Variants in ABCB7 observed in about 807,000 individuals in gnomAD.
The protein encoded by ABCB7 is ATP binding cassette subfamily B member 7, also known as iron-sulfur clusters transporter ABCB7, mitochondrial.
A neutral mutation model predicts 54.4 loss-of-function variants in ABCB7; 7 were observed. That is an observed-to-expected ratio of 0.13 (90% CI 0.07 to 0.24). ABCB7 has a LOEUF of 0.24. Among genes scored for constraint, ABCB7 ranks in the 10% least tolerant of loss-of-function variants. The pLI is 1.00. For synonymous variants in ABCB7, 218 were observed against 207.1 expected (o/e 1.05, Z -0.45); for missense variants, 356 against 570.4 (o/e 0.62, Z 3.83).
chrX:75,108,918 C>T (rs184662700), intron 3 of ABCB7, among the ~76,000 whole-genome samples: 1 of 111,879 alleles, frequency 8.9e-6, no homozygotes, highest in African/African-American at 3.2e-5. Flanking sequence ...ACCACAACTT[C>T]TGACAGATTT....
At chrX:75,115,369 C>G (rs1242956560) in intron 1 of ABCB7, among the ~76,000 whole-genome samples, 1 of 64,758 alleles carries the variant, frequency 1.5e-5, no homozygotes, top group Non-Finnish European at 2.7e-5. Flanking sequence ...TCAAATTGTA[C>G]TTTCTTTTCA....
chrX:75,152,159 C>T lies in ABCB7; in HGVS notation c.168+3946G>A, dbSNP rs188109031. Among the ~76,000 whole-genome samples, 920 of 112,331 alleles carry T rather than the reference C, an allele frequency of 8.2e-3. 12 individuals carry two copies. The highest frequency in any genetic ancestry group is 0.027 in the African/African-American group (844 of 30,915). On this transcript the variant is annotated intron_variant, in intron 1 of 15. Coordinates refer to ENST00000373394, the MANE Select transcript of ABCB7 (RefSeq NM_001271696.3). ...ATTATTGTTTAATAATTTTAAAAGT[C>T]TTTATTGGTCTCCTAATAAAAGGAC...
At chrX:75,093,780 A>ATAATAC (rs1555949235) in intron 4 of ABCB7, among the ~76,000 whole-genome samples, 1 of 107,434 alleles carries the variant, frequency 9.3e-6, no homozygotes, top group Non-Finnish European at 1.9e-5. Context: ...AATAATAATA[A>ATAATAC]TACCAGGGTA....
intron 3 of ABCB7, among the ~76,000 whole-genome samples, chrX:75,107,330 G>A (rs2081713180): frequency 9.0e-6 from 1 of 111,324 alleles, no homozygotes; most frequent in South Asian, 3.8e-4. Flanking sequence ...CCCAGAGATG[G>A]TGGGCTGAGG....
At chrX:75,129,492 T>C (rs941525054) in intron 1 of ABCB7, among the ~76,000 whole-genome samples, 20 of 109,910 alleles carry the variant, frequency 1.8e-4, no homozygotes, top group African/African-American at 6.3e-4. Context: ...AAATATCTAA[T>C]GTAGATGACG....
intron 3 of ABCB7, among the ~76,000 whole-genome samples, chrX:75,108,289 GGAACGTGGGCCTGGCTGGCAAA>G (rs2081723104): frequency 9.0e-6 from 1 of 111,498 alleles, no homozygotes; most frequent in African/African-American, 3.3e-5. Flanking sequence ...CCAGAGAGGA[GGAACGTGGGCCTGGCTGGCAAA>G]GAATGTGGGC....
chrX:75,147,870 C>T (rs894422922), intron 1 of ABCB7, among the ~76,000 whole-genome samples: 1 of 112,402 alleles, frequency 8.9e-6, no homozygotes, highest in East Asian at 2.8e-4. Flanking sequence ...AATCCCAGCA[C>T]TTTGGAAGGC....
intron 1 of ABCB7, among the ~76,000 whole-genome samples, chrX:75,127,002 C>T (rs745366888): frequency 1.8e-5 from 2 of 111,446 alleles, no homozygotes; most frequent in African/African-American, 3.3e-5. Flanking sequence ...GGTACCACTG[C>T]TTCTAAAACT....
chrX:75,104,047 G>GTTTTTTTTGT (rs2081664100), intron 3 of ABCB7, among the ~76,000 whole-genome samples: 1 of 13,443 alleles, frequency 7.4e-5, no homozygotes, highest in Non-Finnish European at 1.7e-4. Flanking sequence ...TCTTGTTACA[G>GTTTTTTTTGT]TTTTTTTTTT....
Position 75,154,626 on chromosome X carries a change from C to T in ABCB7, c.168+1479G>A, listed in dbSNP as rs73505009. On this transcript the variant is annotated intron_variant, in intron 1 of 15. Transcript: ENST00000373394. ...GTCCATGTTCTCTCTGACTTGTGGG[C>T]CTTTGCACATGCGATTCCTTCTTTA... Among the ~76,000 whole-genome samples, 195 of 111,885 alleles carry T rather than the reference C, an allele frequency of 1.7e-3. 2 individuals carry two copies. Among genetic ancestry groups the T allele is most frequent in the African/African-American group, 5.9e-3 (181 of 30,862 alleles).
chrX:75,113,061 C>G lies in ABCB7; in HGVS notation c.247-89G>C, dbSNP rs1416478793. ...GGCTTGAACAGTCTAATCTAATGAACGTTTCCAAAACAAATTCACAGGTAT... is the reference window on the plus strand; with the variant it reads ...GGCTTGAACAGTCTAATCTAATGAAGGTTTCCAAAACAAATTCACAGGTAT... On this transcript the variant is annotated intron_variant, in intron 2 of 15. Transcript: ENST00000373394. 1.1e-5 allele frequency: 9 copies of G among 784,772 alleles called. No individual in the cohort carries two copies. In the East Asian group the frequency reaches 2.8e-4, roughly 25 times the overall value. 64.7% of individuals were successfully genotyped at this position (784,772 alleles called of 1,213,427 possible). A position where few individuals can be genotyped will look rare whatever the true frequency, so the allele number is the denominator to read the frequency against.
intron 1 of ABCB7, among the ~76,000 whole-genome samples, chrX:75,125,925 T>C (rs1281186283): frequency 9.0e-6 from 1 of 111,592 alleles, no homozygotes; most frequent in Admixed American, 9.5e-5. Flanking sequence ...ACATGAGCCC[T>C]GAAAACCTGT....
intron 1 of ABCB7, among the ~76,000 whole-genome samples, chrX:75,139,045 T>G (rs1349963458): frequency 2.8e-5 from 3 of 106,288 alleles, no homozygotes; most frequent in Non-Finnish European, 5.8e-5. Context: ...AGGGATGTGA[T>G]ACAGGGATCT....
chrX:75,122,111 A>G (rs1290748178), intron 1 of ABCB7, among the ~76,000 whole-genome samples: 1 of 111,964 alleles, frequency 8.9e-6, no homozygotes, highest in Non-Finnish European at 1.9e-5. Flanking sequence ...CTGCTGGGCT[A>G]AATTCCCAGA....
intron 1 of ABCB7, among the ~76,000 whole-genome samples, chrX:75,152,665 T>C (rs1003307482): frequency 9.0e-6 from 1 of 110,613 alleles, no homozygotes; most frequent in Non-Finnish European, 1.9e-5. Flanking sequence ...CCTTTTTTTT[T>C]TTTCTTTTTT....
intron 3 of ABCB7, among the ~76,000 whole-genome samples, chrX:75,106,812 A>G (rs2081706876): frequency 9.0e-6 from 1 of 111,600 alleles, no homozygotes; most frequent in Non-Finnish European, 1.9e-5. Flanking sequence ...GCAGAGCACG[A>G]TGGTGGACTA....
At chrX:75,126,278 C>T (rs1000079073) in intron 1 of ABCB7, among the ~76,000 whole-genome samples, 1 of 111,946 alleles carries the variant, frequency 8.9e-6, no homozygotes, top group African/African-American at 3.2e-5. Flanking sequence ...GATCCTTATG[C>T]TATAGTTTAC....
chrX:75,069,181 T>G, intron 11 of ABCB7, 45 bp from the exon 12 acceptor site: 1 of 1,203,614 alleles, frequency 8.3e-7, no homozygotes, highest in Non-Finnish European at 1.1e-6. Context: ...CTATTAATGT[T>G]AGGAAACCCC....
intron 1 of ABCB7, among the ~76,000 whole-genome samples, chrX:75,153,323 T>G (rs142812993): frequency 0.023 from 2,534 of 111,151 alleles, 32 homozygotes; most frequent in South Asian, 0.066. Context: ...ATTCTTTTAG[T>G]ATATTTTGGG....
Sources: allele counts gnomAD v4.1 joint callset (sites outside exome capture counted in the v4.1 genomes callset), GRCh38; gene constraint gnomAD v4.1.1; transcripts MANE v1.5; gene names NCBI Gene and HGNC (gene_info 2026-07-23, HGNC 2026-07-21).